RWDD3: variants seen among roughly 807,000 people sequenced by gnomAD.
The protein encoded by RWDD3 is RWD domain containing 3.
Under a neutral mutation model 26.5 loss-of-function variants are expected in RWDD3, and 30 were observed. The observed-to-expected ratio is 1.13, with a 90% confidence interval of 0.85 to 1.54. RWDD3 has a LOEUF of 1.54. Among genes scored for constraint, RWDD3 ranks in the 40% most tolerant of loss-of-function variants. The pLI, the probability that RWDD3 is intolerant of heterozygous loss-of-function variation, is 0.00. For synonymous variants in RWDD3, 113 were observed against 114.5 expected (o/e 0.99, Z 0.09); for missense variants, 296 against 309.1 (o/e 0.96, Z 0.32).
In RWDD3 at chr1:95,246,859, C is replaced by A; in HGVS notation, c.793C>A (p.Leu265Met). 1.3e-6 allele frequency: 2 copies of A among 1,524,342 alleles called. No individual in the cohort carries two copies. The highest frequency in any genetic ancestry group is 1.3e-5 in the South Asian group (1 of 78,368). The allele number at this position is 1,524,342 out of a possible 1,614,324, so 94.4% of individuals were successfully genotyped here. ...GCTTTTCTCCGAATTTGTACTTGCTCTGGTAAAATGAAATGGAAGACAGGA... is the reference window on the plus strand; with the variant it reads ...GCTTTTCTCCGAATTTGTACTTGCTATGGTAAAATGAAATGGAAGACAGGA... ...KKLFSEFVLA[L>M]VK The change falls in exon 4 of 4, where the codon CTG becomes ATG. Residue 265 changes from leucine to methionine, a missense_variant. Leu to Met is a conservative substitution (Grantham distance 15). Coordinates refer to ENST00000370202, the MANE Select transcript of RWDD3 (RefSeq NM_015485.5).
chr1:95,245,150 A>G (rs1290386370), intron 2 of RWDD3, among the ~76,000 whole-genome samples: 14 of 152,214 alleles, frequency 9.2e-5, no homozygotes, highest in Admixed American at 9.2e-4. Flanking sequence ...TTTGGTATCT[A>G]TAATACCTGG....
At chr1:95,234,377 TCTC>T (rs956018821) in intron 1 of RWDD3, 62 bp downstream of exon 1, 2 of 1,468,812 alleles carry the variant, frequency 1.4e-6, no homozygotes, top group Non-Finnish European at 1.9e-6. Flanking sequence ...TCGCTTTGCG[TCTC>T]CTCCCCACCA....
intron 1 of RWDD3, 146 bp from the exon 2 acceptor site, chr1:95,244,065 T>G: frequency 1.6e-6 from 2 of 1,218,918 alleles, no homozygotes; most frequent in South Asian, 3.1e-5. Flanking sequence ...ATCATAGCTT[T>G]CCTAGTATTA....
intron 1 of RWDD3, among the ~76,000 whole-genome samples, chr1:95,239,068 T>A (rs1680493846): frequency 6.6e-6 from 1 of 152,162 alleles, no homozygotes; most frequent in African/African-American, 2.4e-5. Context: ...GTCTTTAGAA[T>A]ACATGAAAAC....
intron 1 of RWDD3, chr1:95,239,922 A>G (rs1438781985): frequency 7.8e-7 from 1 of 1,289,700 alleles, no homozygotes; most frequent in Non-Finnish European, 1.0e-6. Flanking sequence ...AGGTGTTTAT[A>G]TGGCACAGGT....
chr1:95,234,340 C>T, intron 1 of RWDD3, 25 bp downstream of exon 1: 2 of 1,568,634 alleles, frequency 1.3e-6, no homozygotes, highest in Non-Finnish European at 1.7e-6. Flanking sequence ...GCGGGAGGGA[C>T]AGGGCGCCCT....
At chr1:95,240,979 T>A (rs536761039) in intron 1 of RWDD3, among the ~76,000 whole-genome samples, 1 of 151,940 alleles carries the variant, frequency 6.6e-6, no homozygotes, top group African/African-American at 2.4e-5. Flanking sequence ...GAGACCAGCC[T>A]GAACACTGCA....
chr1:95,239,876 C>A (rs1680534079), intron 1 of RWDD3: 4 of 1,289,680 alleles, frequency 3.1e-6, no homozygotes, highest in Non-Finnish European at 4.0e-6. Context: ...CAACATGTTT[C>A]TTTCCTGTGG....
chr1:95,237,402 G>A (rs1035229064), intron 1 of RWDD3: 1 of 152,208 alleles, frequency 6.6e-6, no homozygotes, highest in Non-Finnish European at 1.5e-5. Context: ...TTGCATTCCT[G>A]GTAACAAGAT....
intron 1 of RWDD3, chr1:95,243,210 G>T (rs1680706766): frequency 6.6e-6 from 1 of 152,188 alleles, no homozygotes; most frequent in South Asian, 2.1e-4. Flanking sequence ...TTTTATATAT[G>T]TGGAATCAGA....
intron 1 of RWDD3, among the ~76,000 whole-genome samples, chr1:95,236,363 G>A (rs1680358842): frequency 6.6e-6 from 1 of 151,934 alleles, no homozygotes; most frequent in Non-Finnish European, 1.5e-5. Context: ...CTAAAAATGG[G>A]CTGGATGTTG....
At chr1:95,245,239 C>T (rs931786876) in intron 2 of RWDD3, among the ~76,000 whole-genome samples, 2 of 152,184 alleles carry the variant, frequency 1.3e-5, no homozygotes, top group Non-Finnish European at 2.9e-5. Context: ...TTGTCACCTC[C>T]TACCTAACTT....
chr1:95,244,510 T>G lies in RWDD3; in HGVS notation c.385T>G (p.Phe129Val). ...TGGCAGTGGCAGTGAAAAGTGTACTTTTTCAACAAGCACGACCATGGATGA... is the reference window on the plus strand; with the variant it reads ...TGGCAGTGGCAGTGAAAAGTGTACTGTTTCAACAAGCACGACCATGGATGA... ...ETGSGSEKCTFSTSTTMDDGL... is the reference protein window; with the variant it reads ...ETGSGSEKCTVSTSTTMDDGL... The change falls in exon 2 of 4, where the codon TTT becomes GTT. Residue 129 changes from phenylalanine to valine, a missense_variant. By Grantham distance (50) the Phe-to-Val change is conservative (BLOSUM62 -1). Coordinates refer to ENST00000370202, the MANE Select transcript of RWDD3 (RefSeq NM_015485.5). 1 of 1,614,142 alleles carries G rather than the reference T, an allele frequency of 6.2e-7. No individual in the cohort carries two copies. The highest frequency in any genetic ancestry group is 8.5e-7 in the Non-Finnish European group (1 of 1,180,034).
intron 1 of RWDD3, chr1:95,239,931 G>C (rs1464510583): frequency 7.8e-7 from 1 of 1,289,670 alleles, no homozygotes; most frequent in South Asian, 1.2e-5. Flanking sequence ...TATGGCACAG[G>C]TTGGAGAACA....
chr1:95,240,675 A>G (rs1680578086), intron 1 of RWDD3, among the ~76,000 whole-genome samples: 1 of 152,102 alleles, frequency 6.6e-6, no homozygotes, highest in Admixed American at 6.5e-5. Context: ...TTTGTAATTC[A>G]TTTCATTCTG....
At position 95,246,541 on chromosome 1, in the gene RWDD3, G is replaced by A; in HGVS notation, c.574-1G>A. 1.3e-6 allele frequency: 2 copies of A among 1,534,192 alleles called. No individual in the cohort carries two copies. The highest frequency in any genetic ancestry group is 1.8e-4 in the Middle Eastern group (1 of 5,684). On this transcript the variant is annotated splice_acceptor_variant, in intron 2 of 3. Coordinates refer to ENST00000370202, the MANE Select transcript of RWDD3 (RefSeq NM_015485.5). LOFTEE classifies it high-confidence loss of function. ...ATTTAATGTACTGATTTATTATTTA[G>A]GAGTACTTGATTCTTCAGAAAACCT...
chr1:95,235,803 G>T (rs1680321047), intron 1 of RWDD3, among the ~76,000 whole-genome samples: 1 of 151,948 alleles, frequency 6.6e-6, no homozygotes, highest in African/African-American at 2.4e-5. Context: ...GTGTAGAGAG[G>T]TTCTTTTGAC....
intron 1 of RWDD3, chr1:95,243,107 C>T (rs1680703137): frequency 2.0e-5 from 3 of 152,254 alleles, no homozygotes; most frequent in South Asian, 4.2e-4. Flanking sequence ...CTAAAATAGT[C>T]GTTCCTTGCA....
chr1:95,237,528 G>A (rs1381100814), intron 1 of RWDD3: 2 of 152,132 alleles, frequency 1.3e-5, no homozygotes, highest in African/African-American at 4.8e-5. Flanking sequence ...AGAATTTCAG[G>A]GGATTTTATC....
Sources: allele counts gnomAD v4.1 joint callset (sites outside exome capture counted in the v4.1 genomes callset), GRCh38; gene constraint gnomAD v4.1.1; transcripts MANE v1.5; gene names NCBI Gene and HGNC (gene_info 2026-07-23, HGNC 2026-07-21).